XYLT1: variants seen among roughly 807,000 people sequenced by gnomAD.
XYLT1 encodes the protein beta-D-xylosyltransferase 1.
In XYLT1, 36 loss-of-function variants were observed where a neutral mutation model predicts 91.3. That is an observed-to-expected ratio of 0.39 (90% confidence interval 0.30 to 0.52). The LOEUF (loss-of-function observed/expected upper bound fraction) is 0.52, where lower values mean the gene tolerates loss of function less well. Ranked by LOEUF, XYLT1 falls within the 20% of genes least tolerant of loss-of-function variation. The pLI, the probability that XYLT1 is intolerant of heterozygous loss-of-function variation, is 0.68. For missense variants in XYLT1, 1,242 were observed against 1,284.5 expected, an observed-to-expected ratio of 0.97 and a Z score of 0.51; for synonymous variants, 588 against 532.0, an observed-to-expected ratio of 1.11 and a Z score of -1.45.
intron 2 of XYLT1, among the ~76,000 whole-genome samples, chr16:17,274,945 G>A (rs1309598522): frequency 6.6e-6 from 1 of 152,172 alleles, no homozygotes; most frequent in Non-Finnish European, 1.5e-5. Flanking sequence ...GGGAGGCTGA[G>A]GCGTGGGAAT....
intron 1 of XYLT1, among the ~76,000 whole-genome samples, chr16:17,395,009 G>A (rs2035865933): frequency 6.6e-6 from 1 of 152,076 alleles, no homozygotes; most frequent in African/African-American, 2.4e-5. Context: ...CCTGAGGCTG[G>A]GTAATTTATA....
intron 8 of XYLT1, 55 bp from the exon 9 acceptor site, chr16:17,134,790 G>A: frequency 1.9e-6 from 3 of 1,597,744 alleles, no homozygotes; most frequent in Non-Finnish European, 2.6e-6. Flanking sequence ...CTGGGGGTTG[G>A]GGGGAACCTA....
In XYLT1 at chr16:17,400,675, G is replaced by C. The variant is rs531985078; in HGVS notation, c.364-42625C>G. 8.0e-3 allele frequency among the ~76,000 whole-genome samples: 1,097 copies of C among 136,312 alleles called. 17 individuals carry two copies. The highest frequency in any genetic ancestry group is 0.014 in the Non-Finnish European group (876 of 63,756). 89.4% of individuals were successfully genotyped at this position (136,312 alleles called of 152,430 possible). On this transcript the variant is annotated intron_variant, in intron 1 of 11. Transcript: ENST00000261381. ...AGGAAGGAAGGAAGGAAGGAAGGAA[G>C]GAACTAACTAACTTGCAGTTTAGGA... is the stretch of plus-strand genomic sequence containing the variant.
At chr16:17,317,183 C>T (rs1596478882) in intron 2 of XYLT1, among the ~76,000 whole-genome samples, 2 of 152,122 alleles carry the variant, frequency 1.3e-5, no homozygotes, top group Admixed American at 6.5e-5. Flanking sequence ...GTTTCCCCAT[C>T]TAGGTGTTTG....
At chr16:17,244,089 G>A (rs2033395094) in intron 3 of XYLT1, among the ~76,000 whole-genome samples, 2 of 152,130 alleles carry the variant, frequency 1.3e-5, no homozygotes, top group Admixed American at 6.5e-5. Flanking sequence ...CGTCCCGAGG[G>A]GCTCAGTAGC....
chr16:17,186,724 G>T (rs1025833281), intron 5 of XYLT1, among the ~76,000 whole-genome samples: 9 of 152,162 alleles, frequency 5.9e-5, no homozygotes, highest in Admixed American at 1.3e-4. Flanking sequence ...AACACCCATA[G>T]CCTGACGCAT....
At chr16:17,378,731 GAGAC>G (rs1263105439) in intron 1 of XYLT1, among the ~76,000 whole-genome samples, 3 of 152,200 alleles carry the variant, frequency 2.0e-5, no homozygotes. Context: ...CAGGAAAACT[GAGAC>G]TGAGGCAGAA....
rs533067410 is a variant in XYLT1, at chr16:17,223,996, C to T, written c.914-23342G>A. Among the ~76,000 whole-genome samples the T allele has an allele frequency of 6.6e-5, 10 of 152,350 alleles. No homozygotes were observed. The South Asian group carries it at 2.1e-3, about 32-fold the overall frequency. Reference sequence around the variant, plus strand: ...CCTAACTAATATAGTGATTCTATACCTGGTTACTGAAGGCAGAAAGGCTTG... The same window carrying T: ...CCTAACTAATATAGTGATTCTATACTTGGTTACTGAAGGCAGAAAGGCTTG... On this transcript the variant is annotated intron_variant, in intron 3 of 11. Coordinates refer to ENST00000261381, the MANE Select transcript of XYLT1 (RefSeq NM_022166.4).
chr16:17,380,338 G>A (rs867211078), intron 1 of XYLT1, among the ~76,000 whole-genome samples: 1 of 152,136 alleles, frequency 6.6e-6, no homozygotes, highest in African/African-American at 2.4e-5. Flanking sequence ...TGGTTGGAGC[G>A]AGATGTGCCC....
Position 17,138,341 on chromosome 16 carries a change from T to A in XYLT1, c.1764+14A>T. On this transcript the variant is annotated intron_variant, in intron 8 of 11. Coordinates refer to ENST00000261381, the MANE Select transcript of XYLT1 (RefSeq NM_022166.4). ...CATCACTTAGGAGGCTGGCAGACCA[T>A]GAGAAAGTCTCACCTGGAAGCGGTG... 6.2e-7 allele frequency: 1 copy of A among 1,604,958 alleles called. No homozygotes were observed. Among genetic ancestry groups the A allele is most frequent in the South Asian group, 1.1e-5 (1 of 90,954 alleles).
At position 17,105,143 on chromosome 16, in the gene XYLT1, C is replaced by T. The variant is rs921237939; in HGVS notation, c.*3552G>A. 6.6e-6 allele frequency: 1 copy of T among 152,184 alleles called. No individual in the cohort carries two copies. The highest frequency in any genetic ancestry group is 1.5e-5 in the Non-Finnish European group (1 of 68,062). 9.4% of individuals were successfully genotyped at this position (152,184 alleles called of 1,614,324 possible). A position where few individuals can be genotyped will look rare whatever the true frequency, so the allele number is the denominator to read the frequency against. ...TTGTGAAAGGACTCTTTATTCACAC[C>T]CCACTGCCAGTAGCTACTGCCCTGC... On this transcript the variant is annotated 3_prime_UTR_variant, in exon 12 of 12. Transcript: ENST00000261381.
At chr16:17,218,131 G>A (rs549517182) in intron 3 of XYLT1, among the ~76,000 whole-genome samples, 47 of 151,906 alleles carry the variant, frequency 3.1e-4, no homozygotes, top group African/African-American at 8.7e-4. Context: ...GGTGGTGCGC[G>A]CCTGTAGTTT....
intron 5 of XYLT1, among the ~76,000 whole-genome samples, chr16:17,168,880 A>G (rs2031760274): frequency 6.6e-6 from 1 of 152,128 alleles, no homozygotes. Flanking sequence ...GCGGCTCTCC[A>G]TCATCTGAAG....
chr16:17,303,871 T>A (rs2034433665), intron 2 of XYLT1, among the ~76,000 whole-genome samples: 1 of 152,224 alleles, frequency 6.6e-6, no homozygotes, highest in African/African-American at 2.4e-5. Context: ...AACTGAGGCT[T>A]ATCTTATAAA....
Position 17,134,602 on chromosome 16 carries a change from T to C in XYLT1, c.1898A>G (p.Asn633Ser). 2 of 1,614,222 alleles carry C rather than the reference T, an allele frequency of 1.2e-6. No homozygotes were observed. The highest frequency in any genetic ancestry group is 1.7e-6 in the Non-Finnish European group (2 of 1,180,038). Residue 633 changes from asparagine to serine, a missense_variant, in exon 9 of 12, where the codon AAT becomes AGT. Asn to Ser is a conservative substitution (Grantham distance 46). Coordinates refer to ENST00000261381, the MANE Select transcript of XYLT1 (RefSeq NM_022166.4). ...GTPGLRSYWE[N>S]VYDEPDGIHS... ...GATGCCGTCAGGCTCATCGTAGACA[T>C]TCTCCCAGTAGGAGCGCAGGCCCGG...
chr16:17,260,321 C>G (rs1425932687), intron 2 of XYLT1, among the ~76,000 whole-genome samples: 1 of 152,200 alleles, frequency 6.6e-6, no homozygotes, highest in Non-Finnish European at 1.5e-5. Context: ...ATGCATCATT[C>G]AACCAATGCC....
chr16:17,319,268 G>C (rs1048812240), intron 2 of XYLT1, among the ~76,000 whole-genome samples: 41 of 152,152 alleles, frequency 2.7e-4, no homozygotes, highest in African/African-American at 9.7e-4. Context: ...TATAATAAAT[G>C]ATCTTGAAAC....
At position 17,141,153 on chromosome 16, in the gene XYLT1, C is replaced by T. The variant is rs2030961769; in HGVS notation, c.1587G>A (p.Glu529=). The change falls in exon 7 of 12, where the codon GAG becomes GAA. Residue 529 remains glutamate (E), a splice_region_variant and synonymous_variant. Coordinates refer to ENST00000261381, the MANE Select transcript of XYLT1 (RefSeq NM_022166.4). ...QFYSYTLLPA[E]SFFHTVLENS... is the part of the protein sequence containing the mutation. ...TGGGAAAATTTTCCCAGATACTCAC[C>T]TCAGCAGGAAGCAGGGTGTAGGAGT... The T allele has an allele frequency of 1.2e-6, 2 of 1,613,628 alleles. No homozygotes were observed. Among genetic ancestry groups the T allele is most frequent in the African/African-American group, 1.3e-5 (1 of 75,052 alleles).
At chr16:17,247,406 G>A (rs2033456121) in intron 3 of XYLT1, among the ~76,000 whole-genome samples, 1 of 152,170 alleles carries the variant, frequency 6.6e-6, no homozygotes, top group South Asian at 2.1e-4. Flanking sequence ...ACCCTGCCAT[G>A]GAAGCGAGTC....
Sources: gnomAD v4.1 joint callset for allele counts (sites outside exome capture counted in the v4.1 genomes callset) on GRCh38, gnomAD v4.1.1 for gene constraint, MANE v1.5 for transcripts, NCBI Gene and HGNC (gene_info 2026-07-23, HGNC 2026-07-21) for gene names.